Variants in TAF4 observed in about 807,000 individuals in gnomAD.
TAF4 encodes the protein transcription initiation factor TFIID subunit 4.
In TAF4, 9 loss-of-function variants were observed where a neutral mutation model predicts 90.3. That is an observed-to-expected ratio of 0.10 (90% CI 0.06 to 0.17). The LOEUF (loss-of-function observed/expected upper bound fraction) is 0.17, where lower values mean the gene tolerates loss of function less well. Ranked by LOEUF, TAF4 falls within the 10% of genes least tolerant of loss-of-function variation. The probability of loss-of-function intolerance (pLI) is 1.00; values close to 1 mark genes in which losing one functional copy is unlikely to be tolerated. For missense variants in TAF4, 1,351 were observed against 1,370.7 expected (o/e 0.99, Z 0.23); for synonymous variants, 818 against 638.9 (o/e 1.28, Z -4.23).
rs1195774380 is a variant in TAF4, at chr20:62,065,685, G to A, written c.126C>T (p.His42=). ...QLAASAAHHH[H]LAPRTPEVRA... ...GCACCTCGGGCGTGCGCGGCGCGAG[G>A]TGGTGGTGGTGGGCCGCGCTGGCCG... is the stretch of plus-strand genomic sequence containing the variant. Residue 42 remains histidine, a synonymous_variant, in exon 1 of 15, where the codon CAC becomes CAT. Transcript: ENST00000252996. 24 of 1,212,008 alleles carry A rather than the reference G, an allele frequency of 2.0e-5. No individual in the cohort carries two copies. Among genetic ancestry groups the A allele is most frequent in the Non-Finnish European group, 2.3e-5 (22 of 957,368 alleles). The allele number at this position is 1,212,008 out of a possible 1,614,324, so 75.1% of individuals were successfully genotyped here. A position where few individuals can be genotyped will look rare whatever the true frequency, so the allele number is the denominator to read the frequency against.
At chr20:62,041,132 G>A (rs1036528228) in intron 1 of TAF4, among the ~76,000 whole-genome samples, 3 of 152,220 alleles carry the variant, frequency 2.0e-5, no homozygotes, top group African/African-American at 4.8e-5. Context: ...CACCGACGGC[G>A]AGAGGCGGCC....
At chr20:61,979,385 G>T in intron 14 of TAF4, 1 of 153,016 alleles carries the variant, frequency 6.5e-6, no homozygotes. Flanking sequence ...CAGGGTCAAG[G>T]CACCCATGGC....
At chr20:62,050,495 G>A (rs949838737) in intron 1 of TAF4, among the ~76,000 whole-genome samples, 95 of 151,554 alleles carry the variant, frequency 6.3e-4, no homozygotes, top group Non-Finnish European at 3.1e-4. Context: ...AGAGCAGCCC[G>A]GGGTGCTGGC....
intron 9 of TAF4, among the ~76,000 whole-genome samples, chr20:62,002,207 G>A (rs1433126247): frequency 1.3e-5 from 2 of 152,144 alleles, no homozygotes; most frequent in Non-Finnish European, 2.9e-5. Flanking sequence ...TCAGCGTCAC[G>A]CTGGGCCCAG....
chr20:61,987,618 T>G (rs902771101), intron 14 of TAF4, among the ~76,000 whole-genome samples: 49 of 152,192 alleles, frequency 3.2e-4, no homozygotes, highest in African/African-American at 1.1e-3. Flanking sequence ...CAGCCGTGGC[T>G]GCTGGGAAGG....
intron 14 of TAF4, among the ~76,000 whole-genome samples, chr20:61,984,126 C>G (rs956231649): frequency 6.6e-6 from 1 of 152,162 alleles, no homozygotes; most frequent in Non-Finnish European, 1.5e-5. Flanking sequence ...AGCCAGCAGC[C>G]GGAAGACTGA....
chr20:62,051,529 C>T (rs2056027404), intron 1 of TAF4, among the ~76,000 whole-genome samples: 1 of 152,134 alleles, frequency 6.6e-6, no homozygotes, highest in Admixed American at 6.5e-5. Context: ...GAGTCCCATC[C>T]ACCGTTCACT....
rs760832732 is a variant in TAF4, at chr20:62,006,801, G to A, written c.1975-43C>T. On this transcript the variant is annotated intron_variant, in intron 6 of 14. Transcript: ENST00000252996. This position sits in a 1 kb window ranked among gnomAD's most constrained non-coding sequence, Gnocchi z 7.0. ...CACGAGGGGTCAGGCGGCTGCTCAT[G>A]CGTCGGTTTTCCTTGCTTAAAAATT... 7.0e-7 allele frequency: 1 copy of A among 1,424,770 alleles called. No homozygotes were observed. The highest frequency in any genetic ancestry group is 9.3e-7 in the Non-Finnish European group (1 of 1,078,906). The allele number at this position is 1,424,770 out of a possible 1,614,324, so 88.3% of individuals were successfully genotyped here. A position where few individuals can be genotyped will look rare whatever the true frequency, so the allele number is the denominator to read the frequency against.
At chr20:62,008,812 C>CGGCAAAGCCCG (rs976527975) in intron 5 of TAF4, 2 of 400,608 alleles carry the variant, frequency 5.0e-6, no homozygotes, top group African/African-American at 4.1e-5. Context: ...CACCAGAAAA[C>CGGCAAAGCCCG]GGCAAAGCCC....
chr20:62,048,440 A>G (rs557385067), intron 1 of TAF4, among the ~76,000 whole-genome samples: 61 of 152,234 alleles, frequency 4.0e-4, no homozygotes, highest in African/African-American at 1.4e-3. Flanking sequence ...CCAGCTGGCC[A>G]GCAGGTCCTA....
rs1311807256 is a variant in TAF4 at position 62,010,609 on chromosome 20, G to A, written c.1642-444C>T. Among the ~76,000 whole-genome samples the A allele has an allele frequency of 6.6e-6, 1 of 152,090 alleles. No homozygotes were observed. Among genetic ancestry groups the A allele is most frequent in the Non-Finnish European group, 1.5e-5 (1 of 68,024 alleles). Reference sequence around the variant, plus strand: ...AGAGGCTGGCTACAGGGCGGTCAGGGCTCCACAGCCGCAGCCTCCCATAGG... The same window carrying A: ...AGAGGCTGGCTACAGGGCGGTCAGGACTCCACAGCCGCAGCCTCCCATAGG... On this transcript the variant is annotated intron_variant, in intron 3 of 14. Coordinates refer to ENST00000252996, the MANE Select transcript of TAF4 (RefSeq NM_003185.4). The surrounding 1 kb of genome is among the most constrained non-coding windows in gnomAD (Gnocchi z 4.5).
chr20:62,046,400 A>C (rs1419877228), intron 1 of TAF4, among the ~76,000 whole-genome samples: 2 of 152,146 alleles, frequency 1.3e-5, no homozygotes, highest in Non-Finnish European at 2.9e-5. Context: ...GGCAACCACA[A>C]CTGTTCCAGC....
rs966992257 is a variant in TAF4, at chr20:62,065,173, G to A, written c.638C>T (p.Pro213Leu). The change falls in exon 1 of 15, where the codon CCT becomes CTT. Residue 213 changes from proline (P) to leucine (L), a missense_variant. Physicochemically the swap from Pro to Leu is moderately conservative, Grantham distance 98. Coordinates refer to ENST00000252996, the MANE Select transcript of TAF4 (RefSeq NM_003185.4). ...CCCGTTGTTGACCAGGCTGACAGCA[G>A]GTGCGGCGGCGTGGTGCGAGTTCAG... is the stretch of plus-strand genomic sequence containing the variant. Reference protein sequence around the residue: ...ALLNSHHAAAPAVSLVNNGPA... With the variant: ...ALLNSHHAAALAVSLVNNGPA... 9 of 1,214,030 alleles carry A rather than the reference G, an allele frequency of 7.4e-6. No homozygotes were observed. Among genetic ancestry groups the A allele is most frequent in the South Asian group, 1.4e-5 (1 of 72,830 alleles). 75.2% of individuals were successfully genotyped at this position (1,214,030 alleles called of 1,614,324 possible). A position where few individuals can be genotyped will look rare whatever the true frequency, so the allele number is the denominator to read the frequency against.
chr20:61,979,693 A>G (rs1428030291), intron 14 of TAF4, among the ~76,000 whole-genome samples: 116 of 139,818 alleles, frequency 8.3e-4, no homozygotes, highest in African/African-American at 2.0e-3. Flanking sequence ...TGCAGGCGCG[A>G]TGGCCACTCC....
chr20:62,002,831 A>G (rs902000171), intron 9 of TAF4, among the ~76,000 whole-genome samples: 2 of 152,232 alleles, frequency 1.3e-5, no homozygotes, highest in African/African-American at 2.4e-5. Flanking sequence ...AGTTGAATAC[A>G]TGGAAAGTGA....
rs1316035423 is a variant in TAF4, at chr20:61,975,334, T to C, written c.*834A>G. 6.6e-6 allele frequency: 1 copy of C among 152,426 alleles called. No homozygotes were observed. Among genetic ancestry groups the C allele is most frequent in the Non-Finnish European group, 1.5e-5 (1 of 68,024 alleles). 9.4% of individuals were successfully genotyped at this position (152,426 alleles called of 1,614,324 possible). A position where few individuals can be genotyped will look rare whatever the true frequency, so the allele number is the denominator to read the frequency against. On this transcript the variant is annotated 3_prime_UTR_variant, in exon 15 of 15. Transcript: ENST00000252996. ...ACACCAACCATTTTTCAACACTTGA[T>C]TCACACCGAGAAACAGTCTTTTGAT... is the stretch of plus-strand genomic sequence containing the variant.
At chr20:61,987,574 G>A (rs1228289784) in intron 14 of TAF4, among the ~76,000 whole-genome samples, 5 of 152,282 alleles carry the variant, frequency 3.3e-5, no homozygotes, top group South Asian at 2.1e-4. Flanking sequence ...GGACAGCACC[G>A]AACGCTGGCG....
rs1161844690 is a variant in TAF4, at chr20:62,064,566, C to T, written c.1245G>A (p.Thr415=). 3 of 1,514,972 alleles carry T rather than the reference C, an allele frequency of 2.0e-6. No individual in the cohort carries two copies. The highest frequency in any genetic ancestry group is 1.8e-6 in the Non-Finnish European group (2 of 1,136,948). 93.8% of individuals were successfully genotyped at this position (1,514,972 alleles called of 1,614,324 possible). Residue 415 remains threonine, a synonymous_variant, in exon 1 of 15, where the codon ACG becomes ACA. Transcript: ENST00000252996. ...GAATCCCGCTGGTGGTGGCCGTGGG[C>T]GTCCGGGACAGGCTCTGGGTCACTG... The part of the protein sequence containing the change: ...AGAVTQSLSR[T]PTATTSGIRA...
chr20:62,038,122 A>G (rs988365058), intron 1 of TAF4, among the ~76,000 whole-genome samples: 8 of 151,748 alleles, frequency 5.3e-5, no homozygotes, highest in South Asian at 4.2e-4. Flanking sequence ...TCCGCCTCCC[A>G]GGTTCATGCC....
Sources: gnomAD v4.1 joint callset for allele counts (sites outside exome capture counted in the v4.1 genomes callset) on GRCh38, gnomAD v4.1.1 for gene constraint, Gnocchi (gnomAD v3.1) non-coding constraint, MANE v1.5 for transcripts, NCBI Gene and HGNC (gene_info 2026-07-23, HGNC 2026-07-21) for gene names.